PTPRG: variants seen among roughly 807,000 people sequenced by gnomAD.
PTPRG encodes receptor-type tyrosine-protein phosphatase gamma.
Under a neutral mutation model 165.3 loss-of-function variants are expected in PTPRG, and 102 were observed. The observed-to-expected ratio is 0.62, with a 90% CI of 0.53 to 0.73. The LOEUF is 0.73. Among genes scored for constraint, PTPRG ranks in the 30% least tolerant of loss-of-function variants. PTPRG has a pLI of 0.00. For missense variants in PTPRG, 1,866 were observed against 1,861.4 expected (o/e 1.00, Z -0.05); for synonymous variants, 675 against 669.5 (o/e 1.01, Z -0.13).
intron 1 of PTPRG, among the ~76,000 whole-genome samples, chr3:61,692,505 A>C (rs2030286282): frequency 6.6e-6 from 1 of 152,188 alleles, no homozygotes; most frequent in Non-Finnish European, 1.5e-5. Context: ...ACCACCAAAC[A>C]GGCTTTGTGT....
chr3:62,273,221 A>G lies in PTPRG; in HGVS notation c.3318+140A>G. On this transcript the variant is annotated intron_variant, in intron 22 of 29. Transcript: ENST00000474889. This position sits in a 1 kb window ranked among gnomAD's most constrained non-coding sequence, Gnocchi z 4.1. ...GTTTGTATTAGAAGATATTCTGACAATGATCCTATTCTACGGATCACAGTT... is the reference window on the plus strand; with the variant it reads ...GTTTGTATTAGAAGATATTCTGACAGTGATCCTATTCTACGGATCACAGTT... 5.1e-6 allele frequency: 5 copies of G among 985,850 alleles called. No individual in the cohort carries two copies. Among genetic ancestry groups the G allele is most frequent in the East Asian group, 2.8e-5 (1 of 35,990 alleles). 61.1% of individuals were successfully genotyped at this position (985,850 alleles called of 1,614,324 possible). A position where few individuals can be genotyped will look rare whatever the true frequency, so the allele number is the denominator to read the frequency against.
At chr3:61,818,509 A>C (rs1256299516) in intron 2 of PTPRG, among the ~76,000 whole-genome samples, 1 of 152,148 alleles carries the variant, frequency 6.6e-6, no homozygotes, top group African/African-American at 2.4e-5. Flanking sequence ...ATAATGAAAA[A>C]GTTGTTTAGG....
At chr3:62,135,247 G>A (rs1703662958) in intron 6 of PTPRG, among the ~76,000 whole-genome samples, 1 of 150,848 alleles carries the variant, frequency 6.6e-6, no homozygotes, top group Admixed American at 6.6e-5. Context: ...CTCCAGCCTG[G>A]GTGACAGAGT....
At chr3:61,839,680 A>T (rs1411590959) in intron 2 of PTPRG, among the ~76,000 whole-genome samples, 1 of 152,250 alleles carries the variant, frequency 6.6e-6, no homozygotes, top group East Asian at 1.9e-4. Flanking sequence ...TATAGAGCTA[A>T]CACATGTTCC....
chr3:62,225,624 C>T (rs1393435753), intron 13 of PTPRG, among the ~76,000 whole-genome samples: 1 of 147,442 alleles, frequency 6.8e-6, no homozygotes, highest in Non-Finnish European at 1.5e-5. Flanking sequence ...TCTGAAAAGG[C>T]TTTGTATATC....
chr3:61,702,099 C>T (rs910783857), intron 1 of PTPRG, among the ~76,000 whole-genome samples: 1 of 152,146 alleles, frequency 6.6e-6, no homozygotes, highest in Non-Finnish European at 1.5e-5. Flanking sequence ...CTGCCTCAGC[C>T]TCTGGGGTAG....
intron 5 of PTPRG, among the ~76,000 whole-genome samples, chr3:62,096,304 C>T (rs1702106300): frequency 6.6e-6 from 1 of 152,126 alleles, no homozygotes; most frequent in Non-Finnish European, 1.5e-5. Context: ...GAAAGCAGGT[C>T]AGAAGGGGCT....
chr3:61,834,133 G>A (rs2036390923), intron 2 of PTPRG, among the ~76,000 whole-genome samples: 1 of 152,160 alleles, frequency 6.6e-6, no homozygotes, highest in African/African-American at 2.4e-5. Context: ...TGCCTTGGAA[G>A]GATGTTTGTT....
chr3:61,628,757 C>G (rs929817263), intron 1 of PTPRG, among the ~76,000 whole-genome samples: 5 of 152,184 alleles, frequency 3.3e-5, no homozygotes, highest in African/African-American at 1.2e-4. Context: ...ACAGCTACCA[C>G]TCATCCATCT....
At chr3:62,267,884 C>A (rs1050436608) in intron 19 of PTPRG, 65 bp downstream of exon 19, 10 of 1,561,426 alleles carry the variant, frequency 6.4e-6, no homozygotes, top group African/African-American at 1.4e-5. Flanking sequence ...TGTGGAGTAC[C>A]TGCTTTAGGG....
intron 4 of PTPRG, among the ~76,000 whole-genome samples, chr3:62,064,439 ACT>A (rs1291758472): frequency 1.3e-5 from 2 of 151,438 alleles, no homozygotes; most frequent in Non-Finnish European, 1.5e-5. Flanking sequence ...TTGGTCTTGA[ACT>A]CCTGGTCTGA....
At chr3:61,956,729 T>A (rs2107634809) in intron 2 of PTPRG, among the ~76,000 whole-genome samples, 1 of 152,358 alleles carries the variant, frequency 6.6e-6, no homozygotes, top group East Asian at 1.9e-4. Context: ...TTGAGATTTT[T>A]CCTGCTGGCA....
intron 2 of PTPRG, among the ~76,000 whole-genome samples, chr3:61,906,673 TAGA>T (rs1559681254): frequency 6.6e-6 from 1 of 152,024 alleles, no homozygotes; most frequent in Non-Finnish European, 1.5e-5. Context: ...CCAGCTCCTC[TAGA>T]TGTTGAGGTA....
chr3:61,700,121 C>T (rs2030872499), intron 1 of PTPRG, among the ~76,000 whole-genome samples: 1 of 152,058 alleles, frequency 6.6e-6, no homozygotes, highest in African/African-American at 2.4e-5. Flanking sequence ...AGGTTTCATG[C>T]CCAAAGTCTC....
At chr3:62,059,981 C>A (rs1700754551) in intron 4 of PTPRG, among the ~76,000 whole-genome samples, 1 of 152,126 alleles carries the variant, frequency 6.6e-6, no homozygotes, top group African/African-American at 2.4e-5. Flanking sequence ...AAACCTCTTT[C>A]CTTTATAAAT....
intron 4 of PTPRG, among the ~76,000 whole-genome samples, chr3:62,064,962 G>A (rs565528479): frequency 2.0e-5 from 3 of 151,954 alleles, no homozygotes; most frequent in African/African-American, 7.3e-5. Context: ...TTGATTTCCT[G>A]ACCTCCTGAT....
chr3:62,243,649 C>G, intron 14 of PTPRG, 158 bp from the exon 15 acceptor site: 1 of 491,488 alleles, frequency 2.0e-6, no homozygotes, highest in Non-Finnish European at 3.6e-6. Context: ...CTCCAACAGG[C>G]TGAATGTTGT....
intron 14 of PTPRG, among the ~76,000 whole-genome samples, chr3:62,239,616 T>C (rs376831838): frequency 2.6e-5 from 4 of 152,196 alleles, no homozygotes; most frequent in South Asian, 4.1e-4. Flanking sequence ...CACCTCGGCC[T>C]CCCAAAGTGC....
intron 2 of PTPRG, among the ~76,000 whole-genome samples, chr3:61,968,258 G>A (rs2040312827): frequency 6.6e-6 from 1 of 151,692 alleles, no homozygotes; most frequent in South Asian, 2.1e-4. Context: ...TTCATATTCT[G>A]CTTTTTTTTG....
Sources: gnomAD v4.1 joint callset for allele counts (sites outside exome capture counted in the v4.1 genomes callset) on GRCh38, gnomAD v4.1.1 for gene constraint, Gnocchi (gnomAD v3.1) non-coding constraint, MANE v1.5 for transcripts, NCBI Gene and HGNC (gene_info 2026-07-23, HGNC 2026-07-21) for gene names.